Variants in TMEFF1 observed in about 807,000 individuals in gnomAD.
TMEFF1 encodes the protein transmembrane protein with EGF like and two follistatin like domains 1, also known as tomoregulin-1.
Under a neutral mutation model 47.5 loss-of-function variants are expected in TMEFF1, and 20 were observed. That is an observed-to-expected ratio of 0.42 (90% CI 0.30 to 0.61). The LOEUF is 0.61. Among genes scored for constraint, TMEFF1 ranks in the 20% least tolerant of loss-of-function variants. TMEFF1 has a pLI of 0.19. For synonymous variants in TMEFF1, 162 were observed against 166.3 expected (o/e 0.97, Z 0.20); for missense variants, 411 against 471.1 (o/e 0.87, Z 1.18).
chr9:100,557,151 A>G lies in TMEFF1; in HGVS notation c.776-4246A>G, dbSNP rs1838929661. On this transcript the variant is annotated intron_variant, in intron 7 of 9. Coordinates refer to ENST00000374879, the MANE Select transcript of TMEFF1 (RefSeq NM_003692.5). ...ATTGAGATTCCATTTACATGCCATT[A>G]AGTTCATCTGTTTAAAGTGTGCAAT... Among the ~76,000 whole-genome samples the G allele has an allele frequency of 5.9e-5, 9 of 151,608 alleles. No homozygotes were observed. The South Asian group carries it at 1.9e-3, about 32-fold the overall frequency.
chr9:100,473,770 T>G lies in TMEFF1; in HGVS notation c.196+30T>G. 1 of 1,446,018 alleles carries G rather than the reference T, an allele frequency of 6.9e-7. No individual in the cohort carries two copies. Among genetic ancestry groups the G allele is most frequent in the African/African-American group, 1.5e-5 (1 of 68,110 alleles). The allele number at this position is 1,446,018 out of a possible 1,614,324, so 89.6% of individuals were successfully genotyped here. On this transcript the variant is annotated intron_variant, in intron 1 of 9. Transcript: ENST00000374879. This position sits in a 1 kb window ranked among gnomAD's most constrained non-coding sequence, Gnocchi z 5.4. The stretch of plus-strand genomic sequence containing the variant: ...GACCGGTCGGAGCCGGCCCTAGGTC[T>G]TCCCACCCCTCCGTTGCCGCCTCCC...
intron 5 of TMEFF1, among the ~76,000 whole-genome samples, chr9:100,546,227 A>G (rs1196398637): frequency 2.0e-5 from 3 of 152,196 alleles, no homozygotes; most frequent in East Asian, 3.9e-4. Context: ...AACTGGACTC[A>G]CAGTTCCCCA....
chr9:100,543,596 A>G (rs1318641676), intron 5 of TMEFF1, among the ~76,000 whole-genome samples: 1 of 152,038 alleles, frequency 6.6e-6, no homozygotes, highest in African/African-American at 2.4e-5. Context: ...ATTTGCCTAC[A>G]GCAGGGGTGT....
Position 100,493,279 on chromosome 9 carries a change from G to T in TMEFF1, c.197-5486G>T, listed in dbSNP as rs1379452760. Among the ~76,000 whole-genome samples the T allele has an allele frequency of 2.0e-5, 3 of 152,270 alleles. No individual in the cohort carries two copies. The East Asian group carries it at 5.8e-4, about 29-fold the overall frequency. ...AGACTGAGAAACCCTGAGTTCTGTT[G>T]TAACATCTAATGAAGTTTATTTCCT... On this transcript the variant is annotated intron_variant, in intron 1 of 9. Transcript: ENST00000374879.
At chr9:100,488,609 A>T (rs967994704) in intron 1 of TMEFF1, among the ~76,000 whole-genome samples, 5 of 152,190 alleles carry the variant, frequency 3.3e-5, no homozygotes, top group Non-Finnish European at 7.3e-5. Context: ...AGTACTTATT[A>T]TGTGTATTAT....
intron 1 of TMEFF1, among the ~76,000 whole-genome samples, chr9:100,475,715 C>CTGTGTGTGTGTGTGTG (rs3055671): frequency 1.1e-4 from 16 of 140,852 alleles, no homozygotes; most frequent in South Asian, 4.6e-4. Context: ...TGCAGAGCGA[C>CTGTGTGTGTGTGTGTG]TGTGTGTGTG....
intron 1 of TMEFF1, among the ~76,000 whole-genome samples, chr9:100,488,872 C>G (rs1837498897): frequency 6.6e-6 from 1 of 152,104 alleles, no homozygotes; most frequent in South Asian, 2.1e-4. Context: ...ATTTAAGCAG[C>G]ATGATTTATA....
At chr9:100,562,278 C>T (rs770834974) in intron 8 of TMEFF1, among the ~76,000 whole-genome samples, 20 of 151,996 alleles carry the variant, frequency 1.3e-4, no homozygotes, top group Non-Finnish European at 2.1e-4. Flanking sequence ...GTCAAAACAT[C>T]GAAACATGGA....
intron 9 of TMEFF1, 94 bp from the exon 10 acceptor site, chr9:100,576,422 G>A: frequency 6.7e-7 from 1 of 1,487,142 alleles, no homozygotes; most frequent in South Asian, 1.3e-5. Context: ...GTGGCTTTAT[G>A]TGCAAAATGT....
chr9:100,565,038 G>T (rs1482089789), intron 8 of TMEFF1, among the ~76,000 whole-genome samples: 1 of 152,156 alleles, frequency 6.6e-6, no homozygotes, highest in Admixed American at 6.5e-5. Context: ...GAGAAGGTTT[G>T]AGGGGGAATG....
intron 1 of TMEFF1, among the ~76,000 whole-genome samples, chr9:100,484,790 A>C (rs376299903): frequency 6.6e-6 from 1 of 151,548 alleles, no homozygotes; most frequent in Non-Finnish European, 1.5e-5. Flanking sequence ...CCCCGGTTCA[A>C]GAGATTCTCA....
chr9:100,491,710 G>A (rs1247380502), intron 1 of TMEFF1, among the ~76,000 whole-genome samples: 2 of 152,286 alleles, frequency 1.3e-5, no homozygotes, highest in Non-Finnish European at 2.9e-5. Flanking sequence ...GGATCCTTTT[G>A]TCTTGGTCCC....
In TMEFF1 at chr9:100,477,038, G is replaced by A. The variant is rs192323983; in HGVS notation, c.196+3298G>A. 7.2e-5 allele frequency among the ~76,000 whole-genome samples: 11 copies of A among 152,308 alleles called. No homozygotes were observed. The East Asian group carries it at 2.1e-3, about 29-fold the overall frequency. The stretch of plus-strand genomic sequence containing the variant: ...TAAATACAGCCCTCGATTCCCTGTA[G>A]ATATTCATTTTTGGTTTTGGACCAT... On this transcript the variant is annotated intron_variant, in intron 1 of 9. Transcript: ENST00000374879.
chr9:100,533,618 T>C (rs916630543), intron 5 of TMEFF1, among the ~76,000 whole-genome samples: 8 of 152,142 alleles, frequency 5.3e-5, no homozygotes, highest in African/African-American at 1.9e-4. Flanking sequence ...AAATTTCTGT[T>C]GTTATATATT....
intron 5 of TMEFF1, among the ~76,000 whole-genome samples, chr9:100,539,793 A>G (rs1348523052): frequency 1.3e-5 from 2 of 152,152 alleles, no homozygotes; most frequent in Non-Finnish European, 2.9e-5. Context: ...CCCCACCCAC[A>G]TCCTGCAGAT....
chr9:100,566,691 G>A (rs537424114), intron 8 of TMEFF1, among the ~76,000 whole-genome samples: 4 of 151,696 alleles, frequency 2.6e-5, no homozygotes, highest in East Asian at 1.9e-4. Flanking sequence ...GAGTGCCCCC[G>A]CCTTTTTTCT....
At chr9:100,562,297 A>G (rs1407746071) in intron 8 of TMEFF1, among the ~76,000 whole-genome samples, 1 of 152,062 alleles carries the variant, frequency 6.6e-6, no homozygotes, top group South Asian at 2.1e-4. Flanking sequence ...GAGAAATACT[A>G]TACTTTTCTT....
intron 4 of TMEFF1, 120 bp downstream of exon 4, chr9:100,513,453 A>T: frequency 2.4e-6 from 3 of 1,267,140 alleles, no homozygotes; most frequent in Non-Finnish European, 2.1e-6. Context: ...ATAATTTGCC[A>T]CTTGAAGTGT....
chr9:100,520,442 T>C (rs1838142091), intron 5 of TMEFF1, among the ~76,000 whole-genome samples: 1 of 152,248 alleles, frequency 6.6e-6, no homozygotes, highest in African/African-American at 2.4e-5. Flanking sequence ...AATCTTTCTC[T>C]TGCTTTTAAA....
Sources: gnomAD v4.1 joint callset for allele counts (sites outside exome capture counted in the v4.1 genomes callset) on GRCh38, gnomAD v4.1.1 for gene constraint, Gnocchi (gnomAD v3.1) non-coding constraint, MANE v1.5 for transcripts, NCBI Gene and HGNC (gene_info 2026-07-23, HGNC 2026-07-21) for gene names.